MAPK10: variants seen among roughly 807,000 people sequenced by gnomAD.
MAPK10 encodes JNK3 alpha protein kinase.
A neutral mutation model predicts 59.3 loss-of-function variants in MAPK10; 25 were observed. That is an observed-to-expected ratio of 0.42 (90% CI 0.31 to 0.59). The LOEUF is 0.59. MAPK10 is among the 20% of genes least tolerant of loss of function. The pLI is 0.15. For synonymous variants in MAPK10, 190 were observed against 200.5 expected (o/e 0.95, Z 0.44); for missense variants, 351 against 568.9 (o/e 0.62, Z 3.90).
chr4:86,125,635 C>A (rs547652605), intron 4 of MAPK10: 11 of 152,152 alleles, frequency 7.2e-5, no homozygotes, highest in African/African-American at 2.6e-4. Flanking sequence ...ACATTCCTAC[C>A]TTTGGCCATT....
intron 11 of MAPK10, among the ~76,000 whole-genome samples, chr4:86,033,340 T>A (rs2039501947): frequency 6.6e-6 from 1 of 152,320 alleles, no homozygotes; most frequent in South Asian, 2.1e-4. Flanking sequence ...CAGGACACAG[T>A]GTACATAAGC....
intron 9 of MAPK10, among the ~76,000 whole-genome samples, chr4:86,086,224 C>G (rs564071472): frequency 6.6e-6 from 1 of 151,632 alleles, no homozygotes; most frequent in East Asian, 1.9e-4. Flanking sequence ...TCGAGATAGA[C>G]AGTAGAAGGA....
In MAPK10 at chr4:86,433,555, C is replaced by CTTCT. The variant is rs1424833074; in HGVS notation, c.-122+19474_-122+19475insAGAA. Among the ~76,000 whole-genome samples, 280 of 97,666 alleles carry CTTCT rather than the reference C, an allele frequency of 2.9e-3. 3 individuals are homozygous for CTTCT. The highest frequency in any genetic ancestry group is 1.0e-2 in the African/African-American group (250 of 25,116). The allele number at this position is 97,666 out of a possible 152,430, so 64.1% of individuals were successfully genotyped here. On this transcript the variant is annotated intron_variant, in intron 1 of 13. Coordinates refer to the MAPK10 transcript ENST00000361569. ...ATATTATCACAGTCTGGGCCTTCTT[C>CTTCT]TTTTTTTTTTTTTTTTTTTTTTTTG...
rs180697363 is a variant in MAPK10 at position 86,254,753 on chromosome 4, C to G, written c.-6-60346G>C. 3.0e-3 allele frequency among the ~76,000 whole-genome samples: 454 copies of G among 150,124 alleles called. 2 individuals carry two copies. Among genetic ancestry groups the G allele is most frequent in the African/African-American group, 0.011 (440 of 40,368 alleles). ...CTTGTTGACTTTCTGTCTCGTTGAT[C>G]TGTCTAATGTTGACAGTGGGGTGTT... On this transcript the variant is annotated intron_variant, in intron 2 of 13. Transcript: ENST00000641462.
intron 1 of MAPK10, among the ~76,000 whole-genome samples, chr4:86,559,937 C>CA (rs368858392): frequency 0.078 from 9,696 of 124,322 alleles, 731 homozygotes; most frequent in African/African-American, 0.22. Flanking sequence ...GACTTTGTCT[C>CA]AAAAAAAAAA....
At chr4:86,353,184 C>G (rs767533633) in intron 2 of MAPK10, among the ~76,000 whole-genome samples, 4 of 152,100 alleles carry the variant, frequency 2.6e-5, no homozygotes, top group African/African-American at 9.7e-5. Flanking sequence ...CTAGACCTAC[C>G]CATGTAATAG....
intron 2 of MAPK10, among the ~76,000 whole-genome samples, chr4:86,198,699 A>G (rs901454132): frequency 1.3e-5 from 2 of 151,816 alleles, no homozygotes; most frequent in Non-Finnish European, 2.9e-5. Flanking sequence ...ATATATGCTA[A>G]GCTTTGAAAA....
chr4:86,166,896 A>G (rs2071932366), intron 3 of MAPK10, among the ~76,000 whole-genome samples: 1 of 152,180 alleles, frequency 6.6e-6, no homozygotes, highest in Admixed American at 6.5e-5. Flanking sequence ...AGAAAAACAT[A>G]GAGACACAAA....
intron 2 of MAPK10, among the ~76,000 whole-genome samples, chr4:86,222,342 G>T (rs1472083016): frequency 6.6e-6 from 1 of 152,080 alleles, no homozygotes; most frequent in Middle Eastern, 3.2e-3. Context: ...CAGGAGTTTT[G>T]CTTACTGACA....
intron 2 of MAPK10, among the ~76,000 whole-genome samples, chr4:86,317,457 T>G (rs1301506427): frequency 6.6e-6 from 1 of 152,194 alleles, no homozygotes; most frequent in Non-Finnish European, 1.5e-5. Flanking sequence ...GTCTTCTTCT[T>G]TGAAATACTA....
intron 2 of MAPK10, among the ~76,000 whole-genome samples, chr4:86,233,186 C>T (rs2091827308): frequency 6.6e-6 from 1 of 152,154 alleles, no homozygotes; most frequent in Non-Finnish European, 1.5e-5. Flanking sequence ...ATCATAGCCA[C>T]TCTCTTTGCT....
intron 2 of MAPK10, among the ~76,000 whole-genome samples, chr4:86,240,878 G>A (rs1160239776): frequency 2.0e-5 from 3 of 152,152 alleles, no homozygotes; most frequent in Non-Finnish European, 2.9e-5. Flanking sequence ...TGATACTATC[G>A]TTATGATGCT....
intron 2 of MAPK10, among the ~76,000 whole-genome samples, chr4:86,234,731 C>A (rs926989652): frequency 2.0e-5 from 3 of 151,930 alleles, no homozygotes; most frequent in South Asian, 2.1e-4. Context: ...TTTAAAGACC[C>A]CAGAGTTAAT....
chr4:86,548,805 C>T (rs1007593145), intron 1 of MAPK10, among the ~76,000 whole-genome samples: 2 of 152,150 alleles, frequency 1.3e-5, no homozygotes, highest in East Asian at 3.8e-4. Flanking sequence ...ACAACTTGCA[C>T]ACTATGAACA....
At chr4:86,224,393 T>C (rs1426513322) in intron 2 of MAPK10, among the ~76,000 whole-genome samples, 2 of 152,188 alleles carry the variant, frequency 1.3e-5, no homozygotes, top group Non-Finnish European at 2.9e-5. Flanking sequence ...AAGGAAGTGA[T>C]ATATTAACTG....
chr4:86,585,181 T>C (rs1762576445), intron 1 of MAPK10, among the ~76,000 whole-genome samples: 1 of 152,162 alleles, frequency 6.6e-6, no homozygotes, highest in Non-Finnish European at 1.5e-5. Context: ...GTAATAACCA[T>C]ATCATTAGAA....
At chr4:86,331,245 C>G (rs1049093764) in intron 2 of MAPK10, among the ~76,000 whole-genome samples, 10 of 152,104 alleles carry the variant, frequency 6.6e-5, no homozygotes, top group Non-Finnish European at 1.5e-5. Context: ...CTCACCAAAC[C>G]ATAAGAGTCA....
intron 1 of MAPK10, among the ~76,000 whole-genome samples, chr4:86,542,831 CTT>C (rs1447318793): frequency 6.6e-6 from 1 of 152,176 alleles, no homozygotes; most frequent in Non-Finnish European, 1.5e-5. Flanking sequence ...TGTTTTCCAT[CTT>C]GTTTTCATGC....
chr4:86,312,047 T>C (rs1472005466), intron 2 of MAPK10, among the ~76,000 whole-genome samples: 1 of 152,098 alleles, frequency 6.6e-6, no homozygotes, highest in East Asian at 1.9e-4. Context: ...ACAAAACTAA[T>C]AAACTCACAA....
Sources: gnomAD v4.1 joint callset for allele counts (sites outside exome capture counted in the v4.1 genomes callset) on GRCh38, gnomAD v4.1.1 for gene constraint, MANE v1.5 for transcripts, NCBI Gene and HGNC (gene_info 2026-07-23, HGNC 2026-07-21) for gene names.